Variants in TASP1 observed in about 807,000 individuals in gnomAD.
TASP1 encodes taspase 1, also known as threonine aspartase 1.
Under a neutral mutation model 56.6 loss-of-function variants are expected in TASP1, and 16 were observed. The ratio of observed to expected loss-of-function variants is 0.28; its 90% confidence interval spans 0.19 to 0.43. TASP1 has a LOEUF of 0.43. Among genes scored for constraint, TASP1 ranks in the 20% least tolerant of loss-of-function variants. TASP1 has a pLI of 1.00. For missense variants in TASP1, 393 were observed against 511.6 expected (o/e 0.77, Z 2.24); for synonymous variants, 179 against 184.2 (o/e 0.97, Z 0.23).
At chr20:13,141,737 G>A in the TASP1 span, among the ~76,000 whole-genome samples, 2 of 152,186 alleles carry the variant, frequency 1.3e-5, no homozygotes, top group African/African-American at 4.8e-5. Flanking sequence ...TTTCTAAATG[G>A]TTTCAGGCCC....
intron 12 of TASP1, among the ~76,000 whole-genome samples, chr20:13,434,609 G>C (rs897379007): frequency 2.6e-5 from 4 of 152,258 alleles, no homozygotes; most frequent in East Asian, 1.9e-4. Flanking sequence ...AAGGTGTCAT[G>C]GTTAACGAGC....
intron 11 of TASP1, among the ~76,000 whole-genome samples, chr20:13,447,988 T>A (rs1444715147): frequency 3.3e-5 from 5 of 152,176 alleles, no homozygotes; most frequent in Non-Finnish European, 5.9e-5. Context: ...GTAATCAAAA[T>A]ATGTAGTCTC....
chr20:13,502,894 T>C (rs937700711), intron 10 of TASP1, among the ~76,000 whole-genome samples: 1 of 152,108 alleles, frequency 6.6e-6, no homozygotes, highest in Non-Finnish European at 1.5e-5. Flanking sequence ...AAGAAGAGGA[T>C]GGGTAAGAGG....
chr20:13,473,053 A>C (rs6074613), intron 11 of TASP1, among the ~76,000 whole-genome samples: 68,155 of 151,326 alleles, frequency 0.45, 15,531 homozygotes, highest in Non-Finnish European at 0.47. Context: ...TTTATTTCAG[A>C]ACTATTCACA....
intron 2 of TASP1, among the ~76,000 whole-genome samples, chr20:13,627,634 C>T (rs951610347): frequency 6.6e-6 from 1 of 150,716 alleles, no homozygotes; most frequent in African/African-American, 2.5e-5. Context: ...GCCTGTAATC[C>T]CAGTTACTCA....
chr20:13,171,079 CCAAT>C, the TASP1 span, among the ~76,000 whole-genome samples: 2 of 152,164 alleles, frequency 1.3e-5, no homozygotes, highest in African/African-American at 2.4e-5. Flanking sequence ...GCTGATGCAG[CCAAT>C]CAGTCTATCA....
At chr20:13,170,232 A>G in the TASP1 span, among the ~76,000 whole-genome samples, 1 of 152,226 alleles carries the variant, frequency 6.6e-6, no homozygotes, top group Non-Finnish European at 1.5e-5. Context: ...TTAACAGTGC[A>G]TAAAGAGGAC....
chr20:13,405,306 G>C (rs942498250), intron 13 of TASP1, among the ~76,000 whole-genome samples: 1 of 152,230 alleles, frequency 6.6e-6, no homozygotes, highest in Admixed American at 6.5e-5. Context: ...TACGTAAGCA[G>C]TTAGGTAAGC....
rs1375071536 is a variant in TASP1, at chr20:13,512,034, T to C, written c.874+16399A>G. 3.9e-5 allele frequency among the ~76,000 whole-genome samples: 6 copies of C among 152,144 alleles called. No homozygotes were observed. In the South Asian group the frequency reaches 6.2e-4, roughly 16 times the overall value. On this transcript the variant is annotated intron_variant, in intron 10 of 13. Coordinates refer to ENST00000337743, the MANE Select transcript of TASP1 (RefSeq NM_017714.3). ...TGGACACTTGGGTTGGTTCCAAGTCTCTGCTATTGCAAATAGTGCCGCAAT... is the reference window on the plus strand; with the variant it reads ...TGGACACTTGGGTTGGTTCCAAGTCCCTGCTATTGCAAATAGTGCCGCAAT...
chr20:13,155,006 C>A, the TASP1 span, among the ~76,000 whole-genome samples: 1 of 151,958 alleles, frequency 6.6e-6, no homozygotes, highest in Non-Finnish European at 1.5e-5. Context: ...CATGGTGAGA[C>A]CCTGTCTCTA....
intron 4 of TASP1, among the ~76,000 whole-genome samples, chr20:13,597,324 C>T (rs563080902): frequency 2.0e-5 from 3 of 152,298 alleles, no homozygotes; most frequent in Admixed American, 6.5e-5. Context: ...CATCAAAAAG[C>T]TTATCCATCA....
At chr20:13,546,267 G>C (rs1207549386) in intron 8 of TASP1, among the ~76,000 whole-genome samples, 1 of 151,042 alleles carries the variant, frequency 6.6e-6, no homozygotes, top group Non-Finnish European at 1.5e-5. Flanking sequence ...ACCAATCAAA[G>C]CCCATGCACT....
chr20:13,351,101 T>A, the TASP1 span, among the ~76,000 whole-genome samples: 3 of 152,238 alleles, frequency 2.0e-5, no homozygotes, highest in South Asian at 4.1e-4. Flanking sequence ...CATTACCTAT[T>A]AAGGAATAGG....
the TASP1 span, among the ~76,000 whole-genome samples, chr20:13,142,841 G>A: frequency 2.6e-5 from 4 of 152,244 alleles, no homozygotes; most frequent in Non-Finnish European, 2.9e-5. Flanking sequence ...GGCTGTTTCC[G>A]TCTCATGAGG....
At chr20:13,252,579 C>T in the TASP1 span, among the ~76,000 whole-genome samples, 2 of 151,996 alleles carry the variant, frequency 1.3e-5, no homozygotes, top group African/African-American at 2.4e-5. Flanking sequence ...GGTGAAACCC[C>T]GTCTCTACTA....
At chr20:13,505,702 ATC>A (rs1173292827) in intron 10 of TASP1, among the ~76,000 whole-genome samples, 1 of 152,182 alleles carries the variant, frequency 6.6e-6, no homozygotes, top group Non-Finnish European at 1.5e-5. Flanking sequence ...ATTTTAAAAT[ATC>A]TGAGACAAAC....
At chr20:13,242,352 G>A in the TASP1 span, among the ~76,000 whole-genome samples, 1 of 152,204 alleles carries the variant, frequency 6.6e-6, no homozygotes, top group African/African-American at 2.4e-5. Context: ...AAAGGAGCAG[G>A]ATTTGTTTGT....
the TASP1 span, among the ~76,000 whole-genome samples, chr20:13,201,908 C>T: frequency 6.6e-6 from 1 of 152,056 alleles, no homozygotes; most frequent in African/African-American, 2.4e-5. Context: ...CCTGCGCCAC[C>T]ATGCCCGGCT....
At chr20:13,444,839 G>A (rs1440723858) in intron 11 of TASP1, among the ~76,000 whole-genome samples, 1 of 152,132 alleles carries the variant, frequency 6.6e-6, no homozygotes, top group Non-Finnish European at 1.5e-5. Context: ...TGGGAGCTGG[G>A]CATTAAACCA....
Sources: allele counts gnomAD v4.1 joint callset (sites outside exome capture counted in the v4.1 genomes callset), GRCh38; gene constraint gnomAD v4.1.1; transcripts MANE v1.5; gene names NCBI Gene and HGNC (gene_info 2026-07-23, HGNC 2026-07-21).